KCNAB1: variants seen among roughly 807,000 people sequenced by gnomAD.
The protein encoded by KCNAB1 is potassium voltage-gated channel subfamily A regulatory beta subunit 1, also known as voltage-gated potassium channel subunit beta-1.
In KCNAB1, 35 loss-of-function variants were observed where a neutral mutation model predicts 64.6. The observed-to-expected ratio is 0.54, with a 90% CI of 0.41 to 0.72. The LOEUF (loss-of-function observed/expected upper bound fraction) is 0.72, where lower values mean the gene tolerates loss of function less well. Among genes scored for constraint, KCNAB1 ranks in the 30% least tolerant of loss-of-function variants. The pLI, the probability that KCNAB1 is intolerant of heterozygous loss-of-function variation, is 0.00. For missense variants in KCNAB1, 401 were observed against 512.9 expected, an observed-to-expected ratio of 0.78 and a Z score of 2.11; for synonymous variants, 177 against 183.8, an observed-to-expected ratio of 0.96 and a Z score of 0.30.
At chr3:156,457,635 C>G in intron 4 of KCNAB1, 103 bp downstream of exon 4, 1 of 1,008,234 alleles carries the variant, frequency 9.9e-7, no homozygotes, top group South Asian at 1.3e-5. Flanking sequence ...TGTCCTTTCT[C>G]CACGTGTTGG....
At chr3:156,454,229 C>T (rs1359487453) in intron 3 of KCNAB1, among the ~76,000 whole-genome samples, 1 of 152,198 alleles carries the variant, frequency 6.6e-6, no homozygotes, top group African/African-American at 2.4e-5. Flanking sequence ...AGGATCAGCA[C>T]AGGGCAGGGA....
intron 1 of KCNAB1, among the ~76,000 whole-genome samples, chr3:156,251,798 G>T (rs184798790): frequency 1.3e-5 from 2 of 152,286 alleles, no homozygotes; most frequent in Non-Finnish European, 2.9e-5. Flanking sequence ...GAGATGTTCT[G>T]TGCAATTGAA....
At chr3:156,469,577 G>A (rs976417289) in intron 7 of KCNAB1, among the ~76,000 whole-genome samples, 1 of 152,062 alleles carries the variant, frequency 6.6e-6, no homozygotes, top group Non-Finnish European at 1.5e-5. Flanking sequence ...CTTTAAATAA[G>A]TCAGGAATTC....
chr3:156,465,323 T>A (rs1713281407), intron 6 of KCNAB1, among the ~76,000 whole-genome samples: 1 of 152,194 alleles, frequency 6.6e-6, no homozygotes, highest in African/African-American at 2.4e-5. Flanking sequence ...TTTCTCTAGA[T>A]TGGTTAAGAA....
intron 1 of KCNAB1, among the ~76,000 whole-genome samples, chr3:156,276,916 T>G (rs1719383104): frequency 1.3e-5 from 2 of 152,176 alleles, no homozygotes; most frequent in Admixed American, 1.3e-4. Context: ...CCTTCAGGAA[T>G]TTTTCCTTTG....
intron 1 of KCNAB1, among the ~76,000 whole-genome samples, chr3:156,342,213 C>T (rs757830872): frequency 8.5e-5 from 13 of 152,184 alleles, no homozygotes; most frequent in South Asian, 2.1e-4. Flanking sequence ...TTTTCCTCTA[C>T]GCCACCTCAA....
chr3:156,421,952 G>T (rs2108227176), intron 2 of KCNAB1, among the ~76,000 whole-genome samples: 1 of 152,258 alleles, frequency 6.6e-6, no homozygotes, highest in Non-Finnish European at 1.5e-5. Context: ...AAGCATGAAG[G>T]ACTGCATGGC....
chr3:156,380,928 G>A (rs1479543501), intron 1 of KCNAB1, among the ~76,000 whole-genome samples: 1 of 151,994 alleles, frequency 6.6e-6, no homozygotes, highest in Non-Finnish European at 1.5e-5. Flanking sequence ...TAAACAAAGA[G>A]CCACTATAAT....
intron 1 of KCNAB1, among the ~76,000 whole-genome samples, chr3:156,143,588 T>C (rs1208461004): frequency 2.0e-5 from 3 of 148,296 alleles, no homozygotes. Context: ...TTTTTTTTTT[T>C]TTTTTTTTTA....
intron 1 of KCNAB1, among the ~76,000 whole-genome samples, chr3:156,192,612 T>G (rs918335869): frequency 3.3e-5 from 5 of 152,154 alleles, no homozygotes; most frequent in African/African-American, 1.2e-4. Context: ...GATGATAAAT[T>G]TGCCTTTTTT....
chr3:156,350,932 C>T (rs576081768), intron 1 of KCNAB1, among the ~76,000 whole-genome samples: 29 of 152,344 alleles, frequency 1.9e-4, no homozygotes, highest in Admixed American at 1.1e-3. Flanking sequence ...AGTGTGAGAG[C>T]AGGGCTCAGC....
At chr3:156,385,617 A>G (rs1712529109) in intron 1 of KCNAB1, among the ~76,000 whole-genome samples, 1 of 152,228 alleles carries the variant, frequency 6.6e-6, no homozygotes, top group African/African-American at 2.4e-5. Context: ...AATTATACTA[A>G]GAGAAACTTT....
intron 3 of KCNAB1, 116 bp from the exon 4 acceptor site, chr3:156,457,337 A>T (rs1712516374): frequency 2.0e-6 from 3 of 1,531,762 alleles, no homozygotes; most frequent in South Asian, 1.3e-5. Context: ...AACTAAGAAA[A>T]ATAAGGAGTG....
intron 1 of KCNAB1, among the ~76,000 whole-genome samples, chr3:156,272,092 G>A (rs185208667): frequency 2.6e-5 from 4 of 152,354 alleles, no homozygotes; most frequent in Admixed American, 1.3e-4. Context: ...TGTGGAGCTG[G>A]GGGAGGAGTG....
intron 1 of KCNAB1, among the ~76,000 whole-genome samples, chr3:156,368,769 T>A (rs1215692032): frequency 6.6e-6 from 1 of 152,142 alleles, no homozygotes; most frequent in Non-Finnish European, 1.5e-5. Flanking sequence ...AAAGGTAAAA[T>A]AAAGTTACTA....
intron 1 of KCNAB1, among the ~76,000 whole-genome samples, chr3:156,146,658 GACCTC>G (rs2108287861): frequency 6.6e-6 from 1 of 152,300 alleles, no homozygotes; most frequent in East Asian, 1.9e-4. Flanking sequence ...TACATCTACT[GACCTC>G]TGCTATGTAG....
Position 156,514,402 on chromosome 3 carries a change from A to G in KCNAB1, c.697A>G (p.Met233Val). The G allele has an allele frequency of 6.2e-7, 1 of 1,614,186 alleles. No homozygotes were observed. The highest frequency in any genetic ancestry group is 8.5e-7 in the Non-Finnish European group (1 of 1,179,996). Reference protein sequence around the residue: ...RAMTHVINQGMAMYWGTSRWS... With the variant: ...RAMTHVINQGVAMYWGTSRWS... ...CATGACACATGTGATAAACCAAGGC[A>G]TGGCGATGTACTGGGGCACCTCGAG... Residue 233 changes from methionine (M) to valine (V), a missense_variant, in exon 9 of 14, where the codon ATG (methionine) becomes GTG (valine). By Grantham distance (21) the Met-to-Val change is conservative. Transcript: ENST00000490337.
intron 8 of KCNAB1, among the ~76,000 whole-genome samples, chr3:156,511,536 C>T (rs1185040285): frequency 6.6e-6 from 1 of 152,174 alleles, no homozygotes; most frequent in African/African-American, 2.4e-5. Context: ...ATCTGGGAAA[C>T]AGCTTTAATT....
chr3:156,282,984 A>T (rs1182422515), intron 1 of KCNAB1, among the ~76,000 whole-genome samples: 46 of 149,696 alleles, frequency 3.1e-4, no homozygotes, highest in African/African-American at 1.0e-3. Context: ...TAATATTGTT[A>T]TGTGTGAATT....
Sources: gnomAD v4.1 joint callset for allele counts (sites outside exome capture counted in the v4.1 genomes callset) on GRCh38, gnomAD v4.1.1 for gene constraint, MANE v1.5 for transcripts, NCBI Gene and HGNC (gene_info 2026-07-23, HGNC 2026-07-21) for gene names.